LARGE1: variants seen among roughly 807,000 people sequenced by gnomAD.
LARGE1 encodes LARGE xylosyl- and glucuronyltransferase 1, also known as xylosyl- and glucuronyltransferase LARGE1.
LARGE1 carries 43 observed loss-of-function variants against 87.6 expected under a neutral mutation model. The ratio of observed to expected loss-of-function variants is 0.49; its 90% CI spans 0.38 to 0.63. The LOEUF (loss-of-function observed/expected upper bound fraction) is 0.63, where lower values mean the gene tolerates loss of function less well. Among genes scored for constraint, LARGE1 ranks in the 30% least tolerant of loss-of-function variants. The pLI is 0.00. For synonymous variants in LARGE1, 434 were observed against 394.6 expected (o/e 1.10, Z -1.18); for missense variants, 802 against 1,000.2 (o/e 0.80, Z 2.67).
At chr22:33,819,760 A>T (rs1421432830) in intron 1 of LARGE1, among the ~76,000 whole-genome samples, 1 of 152,156 alleles carries the variant, frequency 6.6e-6, no homozygotes, top group Non-Finnish European at 1.5e-5. Context: ...CTGTAACCCT[A>T]AGGAAATTTG....
At chr22:33,453,164 C>G (rs2267210) in intron 6 of LARGE1, among the ~76,000 whole-genome samples, 28,749 of 152,202 alleles carry the variant, frequency 0.19, 2,850 homozygotes, top group East Asian at 0.27. Context: ...CGCCTGTAAT[C>G]CCAGCACTTT....
chr22:33,084,288 T>C, the LARGE1 span, among the ~76,000 whole-genome samples: 1 of 152,162 alleles, frequency 6.6e-6, no homozygotes, highest in Non-Finnish European at 1.5e-5. Context: ...TGATTGGCTG[T>C]TTCTGTGTTT....
At chr22:33,856,938 T>C (rs2063772237) in intron 1 of LARGE1, 1 of 152,064 alleles carries the variant, frequency 6.6e-6, no homozygotes, top group Admixed American at 6.5e-5. Flanking sequence ...AACTTTTTTT[T>C]TTCTTTTTTT....
chr22:33,186,551 T>C (rs137394), intron 11 of LARGE1, among the ~76,000 whole-genome samples: 51,098 of 152,028 alleles, frequency 0.34, 9,044 homozygotes, highest in Non-Finnish European at 0.39. Flanking sequence ...TTCTTAATGT[T>C]GAAACACTAA....
chr22:33,399,540 G>A lies in LARGE1; in HGVS notation c.893-15236C>T, dbSNP rs572633564. On this transcript the variant is annotated intron_variant, in intron 7 of 14. Coordinates refer to ENST00000397394, the MANE Select transcript of LARGE1 (RefSeq NM_133642.5). ...TGGGTCAACCACTGTGGAAGACAGC[G>A]TGGCGATTCTTCAAGGATCTAGAAC... Among the ~76,000 whole-genome samples, 16 of 152,260 alleles carry A rather than the reference G, an allele frequency of 1.1e-4. 1 individual carries two copies. Among genetic ancestry groups the A allele is most frequent in the South Asian group, 1.0e-3 (5 of 4,814 alleles).
chr22:33,333,954 A>C (rs1938081099), intron 10 of LARGE1, among the ~76,000 whole-genome samples: 1 of 151,634 alleles, frequency 6.6e-6, no homozygotes. Context: ...ACCTGTCTCT[A>C]CTAAAAATAC....
chr22:33,632,772 T>A (rs1014923209), intron 3 of LARGE1, among the ~76,000 whole-genome samples: 8 of 152,220 alleles, frequency 5.3e-5, no homozygotes, highest in Non-Finnish European at 7.3e-5. Context: ...TTTCAGGCAT[T>A]CATAGATACT....
intron 6 of LARGE1, among the ~76,000 whole-genome samples, chr22:33,504,312 T>A (rs1016970197): frequency 6.6e-6 from 1 of 152,230 alleles, no homozygotes; most frequent in Admixed American, 6.5e-5. Flanking sequence ...CAGGCTGCAG[T>A]GCAGTGGCGC....
chr22:33,480,781 T>C (rs928009924), intron 6 of LARGE1, among the ~76,000 whole-genome samples: 3 of 152,228 alleles, frequency 2.0e-5, no homozygotes, highest in Non-Finnish European at 4.4e-5. Context: ...ATTATGTGTT[T>C]AGATATACAG....
the LARGE1 span, among the ~76,000 whole-genome samples, chr22:33,143,640 A>G: frequency 5.3e-5 from 8 of 152,142 alleles, no homozygotes; most frequent in Non-Finnish European, 8.8e-5. Context: ...CTGGAAGACA[A>G]TTACCCATAA....
intron 10 of LARGE1, chr22:33,322,440 G>C (rs1469222770): frequency 6.6e-6 from 1 of 152,190 alleles, no homozygotes; most frequent in African/African-American, 2.4e-5. Flanking sequence ...AAACTCTAAA[G>C]TGCTGCAGAA....
intron 11 of LARGE1, among the ~76,000 whole-genome samples, chr22:33,252,029 T>C (rs902187560): frequency 1.3e-5 from 2 of 152,180 alleles, no homozygotes; most frequent in African/African-American, 4.8e-5. Flanking sequence ...GAAAAGAAAG[T>C]GACACTAAGT....
chr22:33,850,954 T>C (rs2063566900), intron 1 of LARGE1, among the ~76,000 whole-genome samples: 1 of 152,122 alleles, frequency 6.6e-6, no homozygotes, highest in Non-Finnish European at 1.5e-5. Flanking sequence ...TGAATGATAA[T>C]GACAAGGTTC....
chr22:33,305,359 A>T (rs1028442669), intron 11 of LARGE1, among the ~76,000 whole-genome samples: 16 of 89,924 alleles, frequency 1.8e-4, no homozygotes, highest in South Asian at 9.1e-4. Flanking sequence ...GGAAAAAATT[A>T]AAAAAAAAAA....
At chr22:33,570,285 T>G (rs2078156890) in intron 5 of LARGE1, among the ~76,000 whole-genome samples, 1 of 152,150 alleles carries the variant, frequency 6.6e-6, no homozygotes, top group Non-Finnish European at 1.5e-5. Context: ...TTCAGATGAC[T>G]CAGAATTTGG....
intron 2 of LARGE1, among the ~76,000 whole-genome samples, chr22:33,713,908 A>G (rs1434952012): frequency 6.6e-6 from 1 of 152,142 alleles, no homozygotes; most frequent in African/African-American, 2.4e-5. Flanking sequence ...GTGAGCCAGG[A>G]TGGTGCTGCT....
chr22:33,705,630 G>A (rs1367311026), intron 2 of LARGE1, among the ~76,000 whole-genome samples: 1 of 152,250 alleles, frequency 6.6e-6, no homozygotes. Context: ...AGAGCTGGGA[G>A]AAGAATTTAA....
intron 6 of LARGE1, among the ~76,000 whole-genome samples, chr22:33,525,650 C>G (rs1452359191): frequency 6.6e-6 from 1 of 152,100 alleles, no homozygotes; most frequent in East Asian, 1.9e-4. Context: ...TATGTTTCCC[C>G]CCCAGCATAC....
intron 6 of LARGE1, among the ~76,000 whole-genome samples, chr22:33,499,237 C>T (rs2070314543): frequency 6.6e-6 from 1 of 152,180 alleles, no homozygotes; most frequent in African/African-American, 2.4e-5. Context: ...AAGGAAGGTG[C>T]CTATAGTCGG....
Sources: allele counts gnomAD v4.1 joint callset (sites outside exome capture counted in the v4.1 genomes callset), GRCh38; gene constraint gnomAD v4.1.1; transcripts MANE v1.5; gene names NCBI Gene and HGNC (gene_info 2026-07-23, HGNC 2026-07-21).